The following EPB41 variants were observed in gnomAD, a reference collection of about 807,000 sequenced individuals.
EPB41 encodes erythrocyte membrane protein band 4.1.
EPB41 carries 65 observed loss-of-function variants against 108.0 expected under a neutral mutation model. The observed-to-expected ratio is 0.60, with a 90% CI of 0.49 to 0.74. The LOEUF is 0.74. Among genes scored for constraint, EPB41 ranks in the 30% least tolerant of loss-of-function variants. EPB41 has a pLI of 0.00. For missense variants in EPB41, 875 were observed against 1,037.0 expected (o/e 0.84, Z 2.15); for synonymous variants, 336 against 358.9 (o/e 0.94, Z 0.72).
Position 29,037,586 on chromosome 1 carries a change from C to CT in EPB41, c.1464-1654dup, listed in dbSNP as rs56926337. On this transcript the variant is annotated intron_variant, in intron 10 of 20. Coordinates refer to ENST00000343067, the MANE Select transcript of EPB41 (RefSeq NM_001376013.1). Reference sequence around the variant, plus strand: ...GAAAGTTGGCTATTTATCAGTTTGCCTTTTTTTTTTTTTTGAGACAGAGTC... The same window carrying CT: ...GAAAGTTGGCTATTTATCAGTTTGCCTTTTTTTTTTTTTTTGAGACAGAGTC... Among the ~76,000 whole-genome samples, 564 of 142,814 alleles carry CT rather than the reference C, an allele frequency of 3.9e-3. 2 individuals carry two copies. Among genetic ancestry groups the CT allele is most frequent in the African/African-American group, 8.0e-3 (316 of 39,282 alleles). The allele number at this position is 142,814 out of a possible 152,430, so 93.7% of individuals were successfully genotyped here.
At chr1:28,963,720 G>T (rs1046421038) in intron 1 of EPB41, among the ~76,000 whole-genome samples, 2 of 152,148 alleles carry the variant, frequency 1.3e-5, no homozygotes, top group Non-Finnish European at 2.9e-5. Flanking sequence ...TCTCATTGAG[G>T]TTTAAGATTT....
chr1:28,894,391 T>C (rs1251348790), intron 1 of EPB41, among the ~76,000 whole-genome samples: 1 of 152,218 alleles, frequency 6.6e-6, no homozygotes, highest in Non-Finnish European at 1.5e-5. Flanking sequence ...GGGCCCAGCA[T>C]GATAGGGGCT....
At chr1:28,900,728 C>G (rs998360153) in intron 1 of EPB41, among the ~76,000 whole-genome samples, 7 of 152,062 alleles carry the variant, frequency 4.6e-5, no homozygotes, top group Admixed American at 2.0e-4. Context: ...GATTCCTTTC[C>G]CACTAGGCCC....
At chr1:28,927,605 T>C (rs2093520383) in intron 1 of EPB41, among the ~76,000 whole-genome samples, 1 of 152,202 alleles carries the variant, frequency 6.6e-6, no homozygotes, top group South Asian at 2.1e-4. Flanking sequence ...GTGTTTTACA[T>C]CCAATCTACA....
intron 16 of EPB41, among the ~76,000 whole-genome samples, chr1:29,084,325 G>T (rs1432836296): frequency 1.3e-5 from 2 of 152,126 alleles, no homozygotes; most frequent in African/African-American, 4.8e-5. Context: ...TCACATATTT[G>T]CATTTCAGCA....
chr1:28,891,105 C>G, intron 1 of EPB41: 1 of 556,670 alleles, frequency 1.8e-6, no homozygotes, highest in Non-Finnish European at 2.3e-6. Context: ...CAGCTACTGC[C>G]CAGGTGCAAG....
chr1:29,096,360 C>T, intron 16 of EPB41: 1 of 985,948 alleles, frequency 1.0e-6, no homozygotes, highest in Non-Finnish European at 1.2e-6. Context: ...GAGGGGGCAG[C>T]TGGCTATCTT....
intron 1 of EPB41, among the ~76,000 whole-genome samples, chr1:28,939,011 A>G (rs2094167160): frequency 6.6e-6 from 1 of 152,236 alleles, no homozygotes; most frequent in Non-Finnish European, 1.5e-5. Flanking sequence ...TAGAATAGCC[A>G]GTGCAATGTT....
At chr1:28,923,877 G>A (rs2093292662) in intron 1 of EPB41, among the ~76,000 whole-genome samples, 1 of 151,992 alleles carries the variant, frequency 6.6e-6, no homozygotes, top group Non-Finnish European at 1.5e-5. Context: ...CCTTTATTAT[G>A]GCCCCCAATT....
Position 28,927,540 on chromosome 1 carries a change from C to T in EPB41, c.-8+12772C>T, listed in dbSNP as rs144146988. 9.2e-3 allele frequency among the ~76,000 whole-genome samples: 1,399 copies of T among 152,220 alleles called. 10 individuals carry two copies. The highest frequency in any genetic ancestry group is 0.015 in the Admixed American group (234 of 15,268). On this transcript the variant is annotated intron_variant, in intron 1 of 20. Transcript: ENST00000343067. ...GAAGGGAATTAACACATACTGAATG[C>T]TAGCTATGTATCAGATACTACTCTC...
chr1:28,998,854 CATTTG>C (rs1400201031), intron 4 of EPB41, among the ~76,000 whole-genome samples: 1 of 152,150 alleles, frequency 6.6e-6, no homozygotes, highest in African/African-American at 2.4e-5. Context: ...TAGTTTGATT[CATTTG>C]ATTTGATCAT....
Position 28,932,354 on chromosome 1 carries a change from C to T in EPB41, c.-8+17586C>T, listed in dbSNP as rs145700503. On this transcript the variant is annotated intron_variant, in intron 1 of 20. Coordinates refer to ENST00000343067, the MANE Select transcript of EPB41 (RefSeq NM_001376013.1). Reference sequence around the variant, plus strand: ...GCCAGGCTGATCTCGAACTCTTGACCTCAGGTGATCCACTCTCCTTGGCCT... The same window carrying T: ...GCCAGGCTGATCTCGAACTCTTGACTTCAGGTGATCCACTCTCCTTGGCCT... Among the ~76,000 whole-genome samples the T allele has an allele frequency of 3.8e-3, 572 of 152,038 alleles. 6 individuals are homozygous for T. Among genetic ancestry groups the T allele is most frequent in the African/African-American group, 0.013 (532 of 41,500 alleles).
intron 8 of EPB41, 109 bp from the exon 9 acceptor site, chr1:29,032,984 G>GT (rs1308068614): frequency 2.8e-6 from 3 of 1,070,492 alleles, no homozygotes; most frequent in East Asian, 2.4e-5. Context: ...ATTTTTCATT[G>GT]TATGTTTTGT....
chr1:29,024,506 G>C (rs971139587), intron 7 of EPB41, among the ~76,000 whole-genome samples: 44 of 147,990 alleles, frequency 3.0e-4, no homozygotes, highest in African/African-American at 1.0e-3. Context: ...GGTGGCACGC[G>C]CCTGTAATCC....
At chr1:28,986,548 A>G (rs1045276964) in intron 1 of EPB41, among the ~76,000 whole-genome samples, 3 of 152,230 alleles carry the variant, frequency 2.0e-5, no homozygotes, top group Admixed American at 6.5e-5. Flanking sequence ...TCCTTTCTCT[A>G]TTGTTAGTTT....
At chr1:28,937,295 A>G (rs967887789) in intron 1 of EPB41, among the ~76,000 whole-genome samples, 1 of 152,230 alleles carries the variant, frequency 6.6e-6, no homozygotes, top group African/African-American at 2.4e-5. Context: ...TATGCATTCC[A>G]TAGACTAAAC....
intron 16 of EPB41, among the ~76,000 whole-genome samples, chr1:29,080,650 A>G (rs1656214268): frequency 6.6e-6 from 1 of 152,018 alleles, no homozygotes; most frequent in African/African-American, 2.4e-5. Flanking sequence ...CAGCCTCCCA[A>G]AGTGCTGGGA....
At chr1:28,895,976 T>C (rs1028909975) in intron 1 of EPB41, among the ~76,000 whole-genome samples, 7 of 152,196 alleles carry the variant, frequency 4.6e-5, no homozygotes, top group African/African-American at 1.7e-4. Flanking sequence ...GTAAGAGTTT[T>C]AAAGAGAAAA....
At position 29,053,868 on chromosome 1, in the gene EPB41, A is replaced by G. The variant is rs984237674; in HGVS notation, c.1845+556A>G. 9.1e-5 allele frequency: 14 copies of G among 153,732 alleles called. No individual in the cohort carries two copies. The Middle Eastern group carries it at 0.014, about 149-fold the overall frequency. The allele number at this position is 153,732 out of a possible 1,614,324, so 9.5% of individuals were successfully genotyped here. A position where few individuals can be genotyped will look rare whatever the true frequency, so the allele number is the denominator to read the frequency against. On this transcript the variant is annotated intron_variant, in intron 12 of 20. Coordinates refer to ENST00000343067, the MANE Select transcript of EPB41 (RefSeq NM_001376013.1). ...GCCACCGCGCCCGGCCCCAACTATT[A>G]TTTTTTTAAATGATCTTATAAAACA...
Sources: gnomAD v4.1 joint callset for allele counts (sites outside exome capture counted in the v4.1 genomes callset) on GRCh38, gnomAD v4.1.1 for gene constraint, MANE v1.5 for transcripts, NCBI Gene and HGNC (gene_info 2026-07-23, HGNC 2026-07-21) for gene names.